Variants in SH3D19 observed in about 807,000 individuals in gnomAD.
SH3D19 encodes SH3 domain containing 19, also known as SH3 domain-containing protein 19.
SH3D19 carries 58 observed loss-of-function variants against 112.1 expected under a neutral mutation model. The ratio of observed to expected loss-of-function variants is 0.52; its 90% CI spans 0.42 to 0.64. The LOEUF (loss-of-function observed/expected upper bound fraction) is 0.64. Among genes scored for constraint, SH3D19 ranks in the 30% least tolerant of loss-of-function variants. The probability of loss-of-function intolerance (pLI) is 0.00; values close to 1 mark genes in which losing one functional copy is unlikely to be tolerated. For synonymous variants in SH3D19, 391 were observed against 448.5 expected, an observed-to-expected ratio of 0.87 and a Z score of 1.62; for missense variants, 1,090 against 1,263.4, an observed-to-expected ratio of 0.86 and a Z score of 2.08.
chr4:151,283,883 C>A (rs1030944751), intron 1 of SH3D19, among the ~76,000 whole-genome samples: 1 of 152,092 alleles, frequency 6.6e-6, no homozygotes, highest in Non-Finnish European at 1.5e-5. Flanking sequence ...TCACTCTATA[C>A]CTAAAAGATG....
chr4:151,130,212 C>T (rs543882354), intron 17 of SH3D19, among the ~76,000 whole-genome samples: 89 of 152,212 alleles, frequency 5.8e-4, no homozygotes, highest in Non-Finnish European at 1.2e-3. Flanking sequence ...GAGGCTGAGG[C>T]AGGTGGAGCG....
chr4:151,309,995 G>A (rs1367540093), intron 1 of SH3D19, among the ~76,000 whole-genome samples: 4 of 149,094 alleles, frequency 2.7e-5, no homozygotes, highest in African/African-American at 9.9e-5. Context: ...GTCTCAAAAA[G>A]AAAGTCAGCT....
chr4:151,144,175 A>C (rs1423522110), intron 11 of SH3D19, 125 bp from the exon 12 acceptor site: 1 of 1,597,260 alleles, frequency 6.3e-7, no homozygotes, highest in Non-Finnish European at 8.6e-7. Flanking sequence ...AGAGGCCAGT[A>C]ATTTTTTTTT....
chr4:151,319,481 C>T (rs924983661), intron 1 of SH3D19, among the ~76,000 whole-genome samples: 4 of 152,186 alleles, frequency 2.6e-5, no homozygotes. Flanking sequence ...TAACAAAAAA[C>T]AGTAAGCTGG....
intron 10 of SH3D19, among the ~76,000 whole-genome samples, chr4:151,148,719 G>T (rs1754395635): frequency 6.6e-6 from 1 of 152,162 alleles, no homozygotes; most frequent in Non-Finnish European, 1.5e-5. Flanking sequence ...CTATTACTTT[G>T]AAAGCCTTTC....
intron 9 of SH3D19, among the ~76,000 whole-genome samples, chr4:151,155,581 G>T (rs886936385): frequency 5.9e-5 from 9 of 151,386 alleles, no homozygotes; most frequent in Admixed American, 3.3e-4. Context: ...TATGCCATAT[G>T]GACATTTAAA....
intron 2 of SH3D19, among the ~76,000 whole-genome samples, chr4:151,199,963 G>T (rs1364479912): frequency 6.6e-6 from 1 of 152,052 alleles, no homozygotes; most frequent in African/African-American, 2.4e-5. Flanking sequence ...AGGTCATAAG[G>T]GTAGAGCCCT....
chr4:151,310,843 G>C (rs764981774), intron 1 of SH3D19, among the ~76,000 whole-genome samples: 19 of 151,316 alleles, frequency 1.3e-4, no homozygotes, highest in Non-Finnish European at 2.5e-4. Flanking sequence ...AAAGTGCTGG[G>C]ATTACAGGTA....
At position 151,176,700 on chromosome 4, in the gene SH3D19, GAA is replaced by G; in HGVS notation, c.376-15_376-14del. 8.1e-7 allele frequency: 1 copy of G among 1,231,912 alleles called. No individual in the cohort carries two copies. The highest frequency in any genetic ancestry group is 1.0e-6 in the Non-Finnish European group (1 of 987,724). 76.3% of individuals were successfully genotyped at this position (1,231,912 alleles called of 1,614,324 possible). A position where few individuals can be genotyped will look rare whatever the true frequency, so the allele number is the denominator to read the frequency against. ...AAGATGGTGGGAGCTGAAAAGTAAA[GAA>G]TGAAGATTTTAGACATCTAAGGGCA... is the stretch of plus-strand genomic sequence containing the variant. On this transcript the variant is annotated splice_polypyrimidine_tract_variant and intron_variant, in intron 5 of 19. Transcript: ENST00000604030.
intron 2 of SH3D19, among the ~76,000 whole-genome samples, chr4:151,210,253 T>G (rs1003893875): frequency 6.6e-6 from 1 of 152,132 alleles, no homozygotes; most frequent in African/African-American, 2.4e-5. Context: ...ACAGGATTAT[T>G]TACAATAGTA....
In SH3D19 at chr4:151,206,026, A is replaced by C. The variant is rs189299567; in HGVS notation, c.153-18563T>G. Among the ~76,000 whole-genome samples, 482 of 152,160 alleles carry C rather than the reference A, an allele frequency of 3.2e-3. 4 individuals are homozygous for C. The highest frequency in any genetic ancestry group is 0.011 in the African/African-American group (458 of 41,480). On this transcript the variant is annotated intron_variant, in intron 2 of 19. Transcript: ENST00000604030. Reference sequence around the variant, plus strand: ...GAGGAAAACACACACACACACACACAAAACACATTAGGTGAGAATTGTGAT... The same window carrying C: ...GAGGAAAACACACACACACACACACCAAACACATTAGGTGAGAATTGTGAT...
intron 1 of SH3D19, among the ~76,000 whole-genome samples, chr4:151,301,970 G>A (rs1292249775): frequency 1.3e-5 from 2 of 152,138 alleles, no homozygotes; most frequent in Non-Finnish European, 1.5e-5. Context: ...TTTGCCATGA[G>A]TTTTGGTCTG....
At chr4:151,168,921 T>C (rs908841750) in intron 7 of SH3D19, among the ~76,000 whole-genome samples, 1 of 152,132 alleles carries the variant, frequency 6.6e-6, no homozygotes, top group African/African-American at 2.4e-5. Context: ...CACTCACATT[T>C]CACAAGTGAG....
At chr4:151,189,941 G>A (rs974398493) in intron 2 of SH3D19, among the ~76,000 whole-genome samples, 25 of 152,154 alleles carry the variant, frequency 1.6e-4, no homozygotes, top group African/African-American at 6.0e-4. Context: ...GGACAGTTTG[G>A]AACTTCCTAG....
intron 2 of SH3D19, among the ~76,000 whole-genome samples, chr4:151,210,737 A>C (rs191807569): frequency 6.6e-6 from 1 of 152,222 alleles, no homozygotes; most frequent in African/African-American, 2.4e-5. Context: ...AAGTATGCAC[A>C]AAAGAAAGAC....
At chr4:151,299,580 C>A (rs868193783) in intron 1 of SH3D19, among the ~76,000 whole-genome samples, 561 of 92,546 alleles carry the variant, frequency 6.1e-3, no homozygotes, top group East Asian at 0.011. Flanking sequence ...AACTCCGTCT[C>A]AAAAAAAAAA....
chr4:151,140,110 G>A lies in SH3D19; in HGVS notation c.2224-263C>T, dbSNP rs1234789657. On this transcript the variant is annotated intron_variant, in intron 12 of 19. Transcript: ENST00000604030. ...CTTTTTGCTTTTTTAAGCTGAGAGA[G>A]TAAAACAAAAGGGAACTGTTTATTT... 8 of 398,130 alleles carry A rather than the reference G, an allele frequency of 2.0e-5. No individual in the cohort carries two copies. The East Asian group carries it at 3.2e-4, about 16-fold the overall frequency. The allele number at this position is 398,130 out of a possible 1,614,324, so 24.7% of individuals were successfully genotyped here.
At chr4:151,286,623 A>T (rs1299286711) in intron 1 of SH3D19, among the ~76,000 whole-genome samples, 1 of 151,560 alleles carries the variant, frequency 6.6e-6, no homozygotes, top group Admixed American at 6.6e-5. Context: ...AAAACTACGA[A>T]GAAATAAAAG....
At chr4:151,220,234 C>T (rs2149933082) in intron 2 of SH3D19, among the ~76,000 whole-genome samples, 1 of 152,310 alleles carries the variant, frequency 6.6e-6, no homozygotes, top group African/African-American at 2.4e-5. Context: ...CTTCCTTATA[C>T]ATCTAAGAAT....
Sources: gnomAD v4.1 joint callset for allele counts (sites outside exome capture counted in the v4.1 genomes callset) on GRCh38, gnomAD v4.1.1 for gene constraint, MANE v1.5 for transcripts, NCBI Gene and HGNC (gene_info 2026-07-23, HGNC 2026-07-21) for gene names.